The following KLHL6 variants were observed in gnomAD, a reference collection of about 807,000 sequenced individuals.
KLHL6 encodes the protein kelch-like protein 6.
Under a neutral mutation model 58.6 loss-of-function variants are expected in KLHL6, and 41 were observed. That is an observed-to-expected ratio of 0.70 (90% confidence interval 0.55 to 0.91). KLHL6 has a LOEUF of 0.91. Ranked by LOEUF, KLHL6 falls within the 40% of genes least tolerant of loss-of-function variation. KLHL6 has a pLI of 0.00. For missense variants in KLHL6, 714 were observed against 805.6 expected (o/e 0.89, Z 1.38); for synonymous variants, 338 against 322.7 (o/e 1.05, Z -0.51).
At position 183,492,417 on chromosome 3, in the gene KLHL6, G is replaced by C; in HGVS notation, c.1564+77C>G. 2 of 1,516,404 alleles carry C rather than the reference G, an allele frequency of 1.3e-6. No individual in the cohort carries two copies. Among genetic ancestry groups the C allele is most frequent in the Non-Finnish European group, 1.8e-6 (2 of 1,100,954 alleles). The allele number at this position is 1,516,404 out of a possible 1,614,324, so 93.9% of individuals were successfully genotyped here. ...GAGTTGCCAGCGCTGGAGACACCGC[G>C]ACACACCGTTTACGTGCTGCAGCCA... On this transcript the variant is annotated intron_variant, in intron 6 of 6. Transcript: ENST00000341319. This position sits in a 1 kb window ranked among gnomAD's most constrained non-coding sequence, Gnocchi z 5.9.
intron 1 of KLHL6, among the ~76,000 whole-genome samples, chr3:183,541,346 G>T (rs1175099557): frequency 6.6e-6 from 1 of 152,192 alleles, no homozygotes; most frequent in African/African-American, 2.4e-5. Flanking sequence ...CTCCAGCTGG[G>T]GATGGGGAGC....
chr3:183,527,562 A>C (rs1712017035), intron 2 of KLHL6, among the ~76,000 whole-genome samples: 1 of 152,208 alleles, frequency 6.6e-6, no homozygotes, highest in Non-Finnish European at 1.5e-5. Flanking sequence ...GTCAGGACCC[A>C]TGCCTAGGTT....
At position 183,508,188 on chromosome 3, in the gene KLHL6, G is replaced by A. The variant is rs376809796; in HGVS notation, c.780C>T (p.Asn260=). Residue 260 remains asparagine (N), a synonymous_variant, in exon 3 of 7, where the codon AAC becomes AAT. Transcript: ENST00000341319. ...ACGGGTCCAGAAGCGGTAAGCGCAC[G>A]TTCTCGAGGACATAGGGGAGTAAGC... is the stretch of plus-strand genomic sequence containing the variant. ...RLCLLPYVLE[N]VRLPLLDPWY... is the part of the protein sequence containing the mutation. 4.9e-5 allele frequency: 79 copies of A among 1,614,198 alleles called. 1 individual carries two copies. In the Middle Eastern group the frequency reaches 3.3e-3, roughly 67 times the overall value.
At chr3:183,553,898 C>G (rs980502107) in intron 1 of KLHL6, among the ~76,000 whole-genome samples, 3 of 151,656 alleles carry the variant, frequency 2.0e-5, no homozygotes, top group Admixed American at 2.0e-4. Flanking sequence ...CTTATCAACA[C>G]AGGAGACCTA....
At chr3:183,544,313 T>C (rs73884516) in intron 1 of KLHL6, among the ~76,000 whole-genome samples, 16,989 of 152,160 alleles carry the variant, frequency 0.11, 1,625 homozygotes, top group African/African-American at 0.26. Context: ...AAGTGATACT[T>C]TTTCACAGCA....
At chr3:183,546,971 G>A (rs1712742089) in intron 1 of KLHL6, among the ~76,000 whole-genome samples, 1 of 151,256 alleles carries the variant, frequency 6.6e-6, no homozygotes, top group African/African-American at 2.4e-5. Context: ...GAATGCAGTG[G>A]CATGATCGCA....
intron 1 of KLHL6, among the ~76,000 whole-genome samples, chr3:183,536,595 A>C (rs1208675240): frequency 6.6e-6 from 1 of 152,184 alleles, no homozygotes; most frequent in East Asian, 1.9e-4. Flanking sequence ...AAAATGGTAT[A>C]ATAGTCCCCA....
At chr3:183,514,625 ACT>A (rs1407443050) in intron 2 of KLHL6, among the ~76,000 whole-genome samples, 3 of 151,634 alleles carry the variant, frequency 2.0e-5, no homozygotes, top group Non-Finnish European at 2.9e-5. Context: ...TATAGCCATG[ACT>A]CTATCCACAC....
chr3:183,547,962 AT>A (rs1393740546), intron 1 of KLHL6, among the ~76,000 whole-genome samples: 1 of 152,180 alleles, frequency 6.6e-6, no homozygotes, highest in African/African-American at 2.4e-5. Context: ...TGAGGAGGAA[AT>A]GTAAAAATCA....
At chr3:183,511,905 G>A (rs891260251) in intron 2 of KLHL6, among the ~76,000 whole-genome samples, 1 of 152,134 alleles carries the variant, frequency 6.6e-6, no homozygotes, top group African/African-American at 2.4e-5. Context: ...CACAGTAACA[G>A]TCTGATCTCT....
At chr3:183,539,552 A>G (rs2108692159) in intron 1 of KLHL6, among the ~76,000 whole-genome samples, 1 of 152,178 alleles carries the variant, frequency 6.6e-6, no homozygotes, top group Middle Eastern at 3.4e-3. Context: ...TACTAAAAAT[A>G]CAAAAAATTA....
intron 4 of KLHL6, among the ~76,000 whole-genome samples, chr3:183,497,437 G>A (rs551743996): frequency 2.2e-4 from 34 of 152,200 alleles, no homozygotes; most frequent in African/African-American, 6.3e-4. Flanking sequence ...AGAATAACAC[G>A]TGTAGTATAT....
Position 183,492,717 on chromosome 3 carries a change from C to T in KLHL6, c.1351-10G>A, listed in dbSNP as rs757793256. 6 of 1,612,334 alleles carry T rather than the reference C, an allele frequency of 3.7e-6. No homozygotes were observed. Among genetic ancestry groups the T allele is most frequent in the Non-Finnish European group, 5.1e-6 (6 of 1,179,820 alleles). Reference sequence around the variant, plus strand: ...CAAGGAGGGGTGCGGCCTGTAGAGGCACAGGGCACAAGAAGAAGCTGTCAG... The same window carrying T: ...CAAGGAGGGGTGCGGCCTGTAGAGGTACAGGGCACAAGAAGAAGCTGTCAG... On this transcript the variant is annotated splice_polypyrimidine_tract_variant and intron_variant, in intron 5 of 6. Transcript: ENST00000341319. This position sits in a 1 kb window ranked among gnomAD's most constrained non-coding sequence, Gnocchi z 5.9.
At chr3:183,535,996 G>C (rs569064025) in intron 1 of KLHL6, among the ~76,000 whole-genome samples, 1 of 152,096 alleles carries the variant, frequency 6.6e-6, no homozygotes, top group East Asian at 1.9e-4. Context: ...GGATGGTCTC[G>C]ATCTCCTGAC....
chr3:183,531,595 T>G (rs141825033), intron 1 of KLHL6, among the ~76,000 whole-genome samples: 2 of 151,768 alleles, frequency 1.3e-5, no homozygotes, highest in African/African-American at 4.9e-5. Context: ...TACAGGCTCC[T>G]GCCACCACGC....
intron 1 of KLHL6, among the ~76,000 whole-genome samples, chr3:183,534,950 A>ATATTTT (rs1356557331): frequency 5.2e-5 from 5 of 96,738 alleles, no homozygotes; most frequent in African/African-American, 1.5e-4. Flanking sequence ...ATATATATAT[A>ATATTTT]TTTTTTTTTT....
chr3:183,494,619 G>C (rs1361310196), intron 4 of KLHL6, among the ~76,000 whole-genome samples: 1 of 152,224 alleles, frequency 6.6e-6, no homozygotes, highest in African/African-American at 2.4e-5. Flanking sequence ...GAGGGAGCCT[G>C]GACTCAGTGT....
intron 2 of KLHL6, among the ~76,000 whole-genome samples, chr3:183,526,841 G>A (rs558619142): frequency 6.6e-6 from 1 of 152,322 alleles, no homozygotes; most frequent in Non-Finnish European, 1.5e-5. Flanking sequence ...GCTCATGCCT[G>A]TAATCCCAGC....
chr3:183,539,875 T>G (rs1484563427), intron 1 of KLHL6, among the ~76,000 whole-genome samples: 1 of 152,178 alleles, frequency 6.6e-6, no homozygotes, highest in Non-Finnish European at 1.5e-5. Context: ...ATGCCTCAGC[T>G]TGCCATGAAA....
Sources: gnomAD v4.1 joint callset for allele counts (sites outside exome capture counted in the v4.1 genomes callset) on GRCh38, gnomAD v4.1.1 for gene constraint, Gnocchi (gnomAD v3.1) non-coding constraint, MANE v1.5 for transcripts, NCBI Gene and HGNC (gene_info 2026-07-23, HGNC 2026-07-21) for gene names.